CNTN4: variants seen among roughly 807,000 people sequenced by gnomAD.
CNTN4 encodes the protein contactin 4.
In CNTN4, 77 loss-of-function variants were observed where a neutral mutation model predicts 122.5. The ratio of observed to expected loss-of-function variants is 0.63; its 90% confidence interval spans 0.52 to 0.76. CNTN4 has a LOEUF of 0.76. Ranked by LOEUF, CNTN4 falls within the 30% of genes least tolerant of loss-of-function variation. CNTN4 has a pLI of 0.00. For missense variants in CNTN4, 1,256 were observed against 1,259.1 expected (o/e 1.00, Z 0.04); for synonymous variants, 512 against 447.0 (o/e 1.15, Z -1.83).
At chr3:2,681,649 A>G (rs1381336452) in intron 4 of CNTN4, among the ~76,000 whole-genome samples, 4 of 152,236 alleles carry the variant, frequency 2.6e-5, no homozygotes, top group East Asian at 1.9e-4. Flanking sequence ...ATACACATGT[A>G]TGTATATTCT....
At chr3:2,707,037 T>C (rs1576518598) in intron 4 of CNTN4, among the ~76,000 whole-genome samples, 1 of 152,168 alleles carries the variant, frequency 6.6e-6, no homozygotes, top group South Asian at 2.1e-4. Flanking sequence ...GAGTGGCTCA[T>C]GCTTGTAGTC....
At chr3:2,931,268 G>A (rs1389759201) in intron 13 of CNTN4, among the ~76,000 whole-genome samples, 1 of 152,174 alleles carries the variant, frequency 6.6e-6, no homozygotes, top group African/African-American at 2.4e-5. Context: ...AACACTTAAT[G>A]ACCTAGTAAG....
intron 6 of CNTN4, among the ~76,000 whole-genome samples, chr3:2,775,186 T>C (rs6442755): frequency 0.98 from 149,689 of 152,336 alleles, 73,600 homozygotes; most frequent in East Asian, 1. Flanking sequence ...ACATGGACTC[T>C]TTTAGGGAAT....
At chr3:2,402,516 A>G (rs563754426) in intron 3 of CNTN4, among the ~76,000 whole-genome samples, 10 of 152,250 alleles carry the variant, frequency 6.6e-5, no homozygotes, top group African/African-American at 2.4e-4. Flanking sequence ...TGGGATATTC[A>G]TCACCTCAAT....
chr3:2,804,055 A>G (rs2092407663), intron 6 of CNTN4, among the ~76,000 whole-genome samples: 2 of 100,316 alleles, frequency 2.0e-5, no homozygotes, highest in South Asian at 7.9e-4. Context: ...ATATATATAT[A>G]TATATGTCTG....
At chr3:2,772,213 T>G (rs758119503) in intron 6 of CNTN4, among the ~76,000 whole-genome samples, 10 of 152,120 alleles carry the variant, frequency 6.6e-5, no homozygotes, top group African/African-American at 9.7e-5. Context: ...GGCTTCATTT[T>G]GGAATGGGCA....
At chr3:2,589,502 C>T (rs1490291916) in intron 4 of CNTN4, among the ~76,000 whole-genome samples, 1 of 152,198 alleles carries the variant, frequency 6.6e-6, no homozygotes, top group Non-Finnish European at 1.5e-5. Context: ...GCCATTCCTT[C>T]CCTCCCACAA....
chr3:2,265,351 C>T (rs529455755), intron 2 of CNTN4, among the ~76,000 whole-genome samples: 182 of 152,100 alleles, frequency 1.2e-3, no homozygotes, highest in African/African-American at 4.2e-3. Flanking sequence ...GGAGCTTTTT[C>T]TAAAAATGAG....
At chr3:2,428,341 G>A (rs902616748) in intron 3 of CNTN4, among the ~76,000 whole-genome samples, 36 of 152,118 alleles carry the variant, frequency 2.4e-4, no homozygotes, top group African/African-American at 8.4e-4. Flanking sequence ...AGCTTAGTTT[G>A]GCTGGATATG....
chr3:2,834,898 C>CTTTTTTTTTTTTTTCTTTTTT (rs60033461), intron 7 of CNTN4, among the ~76,000 whole-genome samples: 2 of 60,448 alleles, frequency 3.3e-5, no homozygotes, highest in African/African-American at 1.5e-4. Flanking sequence ...TAAAGGCAAC[C>CTTTTTTTTTTTTTTCTTTTTT]TTTTTTTTTT....
intron 10 of CNTN4, among the ~76,000 whole-genome samples, chr3:2,888,556 C>A (rs1199438806): frequency 1.3e-5 from 2 of 152,106 alleles, no homozygotes; most frequent in African/African-American, 4.8e-5. Flanking sequence ...TGCCATTTTT[C>A]ATACCCGGAA....
Position 2,768,531 on chromosome 3 carries a change from G to T in CNTN4, c.358+22834G>T, listed in dbSNP as rs73807921. Among the ~76,000 whole-genome samples, 348 of 152,214 alleles carry T rather than the reference G, an allele frequency of 2.3e-3. 1 individual carries two copies. The highest frequency in any genetic ancestry group is 8.3e-3 in the African/African-American group (343 of 41,540). ...TGTAGAGAGCTTGTGATTTAAACAT[G>T]GTGGACCAATGGGAGCTCATTCTCC... On this transcript the variant is annotated intron_variant, in intron 6 of 24. Transcript: ENST00000418658.
chr3:2,190,771 A>T (rs924367315), intron 2 of CNTN4, among the ~76,000 whole-genome samples: 3 of 151,918 alleles, frequency 2.0e-5, no homozygotes, highest in Admixed American at 2.0e-4. Flanking sequence ...AGCATAGTGC[A>T]TACATTGGTA....
chr3:2,311,130 G>A (rs2042898943), intron 2 of CNTN4, among the ~76,000 whole-genome samples: 3 of 151,974 alleles, frequency 2.0e-5, no homozygotes, highest in Admixed American at 6.6e-5. Context: ...ATGTCTTATT[G>A]GATCTGACAA....
rs11300446 is a variant in CNTN4 at position 2,989,473 on chromosome 3, C to CA, written c.1486+1009dup. Among the ~76,000 whole-genome samples the CA allele has an allele frequency of 4.6e-3, 704 of 151,540 alleles. 10 individuals carry two copies. Among genetic ancestry groups the CA allele is most frequent in the African/African-American group, 0.015 (637 of 41,332 alleles). The stretch of plus-strand genomic sequence containing the variant: ...GACAGATGAAGGCAAATAAAAATAT[C>CA]AAAAAAAACAATTTGCCTTTAATTT... On this transcript the variant is annotated intron_variant, in intron 14 of 24. Transcript: ENST00000418658.
At chr3:2,666,989 A>G (rs2084208561) in intron 4 of CNTN4, among the ~76,000 whole-genome samples, 1 of 152,058 alleles carries the variant, frequency 6.6e-6, no homozygotes, top group Non-Finnish European at 1.5e-5. Context: ...CCACTCTATC[A>G]TTGATGGACA....
intron 4 of CNTN4, among the ~76,000 whole-genome samples, chr3:2,667,174 C>T (rs570107140): frequency 1.3e-5 from 2 of 152,308 alleles, no homozygotes; most frequent in South Asian, 4.1e-4. Flanking sequence ...ACACTAACTT[C>T]CACAATGGTT....
At chr3:2,565,181 T>G (rs2079104652) in intron 3 of CNTN4, among the ~76,000 whole-genome samples, 1 of 152,152 alleles carries the variant, frequency 6.6e-6, no homozygotes, top group Non-Finnish European at 1.5e-5. Context: ...GCCTCTTGTT[T>G]AATAGATGTA....
chr3:2,705,591 AATTTATATAAATTTTATAT>A (rs1476528474), intron 4 of CNTN4, among the ~76,000 whole-genome samples: 1 of 5,146 alleles, frequency 1.9e-4, no homozygotes, highest in Non-Finnish European at 3.4e-4. Context: ...ATATATATAA[AATTTATATAAATTTTATAT>A]ATTTATATAT....
Sources: allele counts gnomAD v4.1 joint callset (sites outside exome capture counted in the v4.1 genomes callset), GRCh38; gene constraint gnomAD v4.1.1; transcripts MANE v1.5; gene names NCBI Gene and HGNC (gene_info 2026-07-23, HGNC 2026-07-21).